Variants in CEP350 observed in about 807,000 individuals in gnomAD.
The protein encoded by CEP350 is centrosomal protein 350, also known as centrosome-associated protein 350.
In CEP350, 126 loss-of-function variants were observed where a neutral mutation model predicts 331.8. The ratio of observed to expected loss-of-function variants is 0.38; its 90% CI spans 0.33 to 0.44. CEP350 has a LOEUF of 0.44. CEP350 is among the 20% of genes least tolerant of loss of function. The pLI is 1.00. For missense variants in CEP350, 3,406 were observed against 3,634.6 expected (o/e 0.94, Z 1.62); for synonymous variants, 1,200 against 1,259.5 (o/e 0.95, Z 1.00).
chr1:180,070,726 T>TA (rs1323326959), intron 27 of CEP350, among the ~76,000 whole-genome samples: 20 of 152,208 alleles, frequency 1.3e-4, no homozygotes, highest in Admixed American at 1.3e-4. Context: ...ATTGATGACT[T>TA]AAAGTTATCT....
intron 21 of CEP350, among the ~76,000 whole-genome samples, chr1:180,047,365 C>T (rs1232733068): frequency 1.3e-5 from 2 of 152,028 alleles, no homozygotes; most frequent in African/African-American, 4.8e-5. Context: ...AGCTTAAAAT[C>T]AAGGGAAGGG....
In CEP350 at chr1:180,067,023, C is replaced by A. The variant is rs138744662; in HGVS notation, c.5567+1751C>A. Among the ~76,000 whole-genome samples the A allele has an allele frequency of 1.3e-4, 20 of 152,246 alleles. 1 individual carries two copies. The highest frequency in any genetic ancestry group is 3.4e-3 in the Middle Eastern group (1 of 294). ...AAGAATGATATCCTAATTTAACCAC[C>A]TTTGTAGAAAAAACTTAATTCCAGT... On this transcript the variant is annotated intron_variant, in intron 27 of 37. Transcript: ENST00000367607.
intron 27 of CEP350, among the ~76,000 whole-genome samples, chr1:180,069,832 A>T (rs1658778047): frequency 6.6e-6 from 1 of 152,216 alleles, no homozygotes; most frequent in African/African-American, 2.4e-5. Flanking sequence ...TAGAATTAAA[A>T]ACCCAGAAGG....
In CEP350 at chr1:180,020,785, C is replaced by G. The variant is rs1374142454; in HGVS notation, c.3011C>G (p.Pro1004Arg). ...GAAGAGGGAGACCAGGATGGACAGC[C>G]CCTTTTGAAAGTAGCAGAAATTTTA... ...SEEEGDQDGQ[P>R]LLKVAEILKE... Residue 1004 changes from proline (P) to arginine (R), a missense_variant, in exon 12 of 38, where the codon CCC (proline) becomes CGC (arginine). Pro to Arg is a moderately radical substitution (Grantham distance 103). This residue lies in a region of CEP350 where 1,857 missense variants were observed against 1,909.2 expected (regional missense o/e 0.97). Transcript: ENST00000367607. 1 of 1,613,534 alleles carries G rather than the reference C, an allele frequency of 6.2e-7. No individual in the cohort carries two copies. The highest frequency in any genetic ancestry group is 8.5e-7 in the Non-Finnish European group (1 of 1,179,840).
At chr1:180,086,158 G>T (rs1442047259) in intron 31 of CEP350, among the ~76,000 whole-genome samples, 1 of 152,172 alleles carries the variant, frequency 6.6e-6, no homozygotes, top group Non-Finnish European at 1.5e-5. Context: ...AGATGGAATA[G>T]GGATTGTAAC....
At chr1:180,027,209 A>G (rs1655736693) in intron 14 of CEP350, among the ~76,000 whole-genome samples, 1 of 152,206 alleles carries the variant, frequency 6.6e-6, no homozygotes, top group Non-Finnish European at 1.5e-5. Context: ...GTAGGCACAC[A>G]CAAATAGGCA....
rs746427827 is a variant in CEP350 at position 179,987,297 on chromosome 1, T to C, written c.120+11T>C. 6.8e-7 allele frequency: 1 copy of C among 1,475,168 alleles called. No homozygotes were observed. 91.4% of individuals were successfully genotyped at this position (1,475,168 alleles called of 1,614,324 possible). A position where few individuals can be genotyped will look rare whatever the true frequency, so the allele number is the denominator to read the frequency against. Reference sequence around the variant, plus strand: ...CAAACCAAGGCTGCTGTAAGTAGTTTTAGCTTCCATTTATTTATTTCTGGA... The same window carrying C: ...CAAACCAAGGCTGCTGTAAGTAGTTCTAGCTTCCATTTATTTATTTCTGGA... On this transcript the variant is annotated intron_variant, in intron 3 of 37. Transcript: ENST00000367607.
chr1:180,017,800 A>T (rs1655067426), intron 11 of CEP350, among the ~76,000 whole-genome samples: 4 of 152,184 alleles, frequency 2.6e-5, no homozygotes, highest in African/African-American at 9.7e-5. Flanking sequence ...ACTACCTGGA[A>T]AACTCCAGGT....
At chr1:180,016,371 G>C (rs16855110) in intron 11 of CEP350, among the ~76,000 whole-genome samples, 18,203 of 152,136 alleles carry the variant, frequency 0.12, 1,178 homozygotes, top group South Asian at 0.16. Context: ...GTACTTTCGA[G>C]AGCTACCTTT....
At chr1:180,047,548 G>A (rs1352345977) in intron 21 of CEP350, among the ~76,000 whole-genome samples, 3 of 151,878 alleles carry the variant, frequency 2.0e-5, no homozygotes, top group African/African-American at 7.3e-5. Context: ...TCTGAGGTTA[G>A]GAGTTCAAGA....
chr1:180,105,753 T>C (rs999100118), intron 37 of CEP350, among the ~76,000 whole-genome samples: 2 of 152,196 alleles, frequency 1.3e-5, no homozygotes, highest in Non-Finnish European at 2.9e-5. Flanking sequence ...ATTACCCCCT[T>C]TTAAAACATT....
intron 27 of CEP350, among the ~76,000 whole-genome samples, chr1:180,068,328 A>G (rs1052712653): frequency 1.3e-5 from 2 of 152,174 alleles, no homozygotes; most frequent in Admixed American, 6.5e-5. Flanking sequence ...TAAATGTCAT[A>G]TAATTTCCAT....
chr1:180,042,132 TCACACACACACACA>T (rs59048123), intron 19 of CEP350, among the ~76,000 whole-genome samples: 2 of 146,774 alleles, frequency 1.4e-5, no homozygotes, highest in Admixed American at 6.8e-5. Context: ...GAGTTTTCTC[TCACACACACACACA>T]CACACACACA....
chr1:180,040,351 T>C (rs1011676339), intron 17 of CEP350, among the ~76,000 whole-genome samples: 3 of 152,176 alleles, frequency 2.0e-5, no homozygotes, highest in African/African-American at 7.2e-5. Context: ...TCTGCCACTT[T>C]AGAAATACAT....
chr1:180,047,038 C>T (rs538223821), intron 21 of CEP350, among the ~76,000 whole-genome samples: 4 of 152,120 alleles, frequency 2.6e-5, no homozygotes, highest in Admixed American at 2.0e-4. Flanking sequence ...GAAATATACA[C>T]AAAAAAACAG....
intron 1 of CEP350, among the ~76,000 whole-genome samples, chr1:179,973,026 C>G (rs1651573213): frequency 6.6e-6 from 1 of 152,030 alleles, no homozygotes; most frequent in South Asian, 2.1e-4. Context: ...CACCACCACA[C>G]CCCTTTAATT....
intron 21 of CEP350, among the ~76,000 whole-genome samples, chr1:180,046,290 A>G (rs1470808110): frequency 6.6e-6 from 1 of 152,148 alleles, no homozygotes; most frequent in Non-Finnish European, 1.5e-5. Context: ...TCCGTTCTCT[A>G]TGGATTTGCC....
In CEP350 at chr1:180,037,062, G is replaced by A; in HGVS notation, c.4083G>A (p.Glu1361=). The A allele has an allele frequency of 6.2e-7, 1 of 1,604,924 alleles. No individual in the cohort carries two copies. The highest frequency in any genetic ancestry group is 8.5e-7 in the Non-Finnish European group (1 of 1,175,598). Residue 1361 remains glutamate, a synonymous_variant, in exon 17 of 38, where the codon GAG becomes GAA. Coordinates refer to ENST00000367607, the MANE Select transcript of CEP350 (RefSeq NM_014810.5). The part of the protein sequence containing the change: ...RVRGISLAQQ[E]SVSLAQIIKA... ...GAGGCATTTCACTTGCTCAGCAGGA[G>A]AGTGTGTCTCTAGCTCAGATAATAA...
chr1:179,971,963 A>G (rs751189537), intron 1 of CEP350, among the ~76,000 whole-genome samples: 7 of 152,214 alleles, frequency 4.6e-5, no homozygotes, highest in Non-Finnish European at 8.8e-5. Context: ...AGTATAGATT[A>G]TAACTTCAGA....
Sources: allele counts gnomAD v4.1 joint callset (sites outside exome capture counted in the v4.1 genomes callset), GRCh38; gene constraint gnomAD v4.1.1; regional missense constraint gnomAD v4.1.1; transcripts MANE v1.5; gene names NCBI Gene and HGNC (gene_info 2026-07-23, HGNC 2026-07-21).